SAMM50: variants seen among roughly 807,000 people sequenced by gnomAD.
SAMM50 encodes the protein SAMM50 sorting and assembly machinery component, also known as sorting and assembly machinery component 50 homolog.
Under a neutral mutation model 66.9 loss-of-function variants are expected in SAMM50, and 47 were observed. The ratio of observed to expected loss-of-function variants is 0.70; its 90% CI spans 0.56 to 0.90. The LOEUF (loss-of-function observed/expected upper bound fraction) is 0.90, where lower values mean the gene tolerates loss of function less well. Ranked by LOEUF, SAMM50 falls within the 40% of genes least tolerant of loss-of-function variation. The pLI, the probability that SAMM50 is intolerant of heterozygous loss-of-function variation, is 0.00. For missense variants in SAMM50, 535 were observed against 595.3 expected, an observed-to-expected ratio of 0.90 and a Z score of 1.05; for synonymous variants, 191 against 214.1, an observed-to-expected ratio of 0.89 and a Z score of 0.94.
chr22:43,980,468 G>T (rs921919522), intron 10 of SAMM50, among the ~76,000 whole-genome samples: 1 of 151,620 alleles, frequency 6.6e-6, no homozygotes, highest in Admixed American at 6.6e-5. Flanking sequence ...GCACAGCCCA[G>T]AGCACGGTGA....
intron 4 of SAMM50, among the ~76,000 whole-genome samples, chr22:43,970,935 G>A (rs574588953): frequency 7.9e-5 from 12 of 152,314 alleles, no homozygotes; most frequent in African/African-American, 2.9e-4. Flanking sequence ...GGGAAGCCAG[G>A]GCGGCTGGAT....
At chr22:43,966,958 C>T (rs1370130657) in intron 3 of SAMM50, among the ~76,000 whole-genome samples, 1 of 152,182 alleles carries the variant, frequency 6.6e-6, no homozygotes, top group African/African-American at 2.4e-5. Flanking sequence ...CAGCTGAATG[C>T]ACCTGTCCTG....
chr22:43,959,352 C>T (rs923403027), intron 1 of SAMM50, among the ~76,000 whole-genome samples: 7 of 152,028 alleles, frequency 4.6e-5, no homozygotes, highest in Non-Finnish European at 1.0e-4. Flanking sequence ...TCTAGTCTAT[C>T]TCACTTTAAA....
intron 10 of SAMM50, among the ~76,000 whole-genome samples, chr22:43,980,582 C>A (rs114197792): frequency 0.015 from 2,334 of 152,068 alleles, 67 homozygotes; most frequent in African/African-American, 0.054. Context: ...CTTGCTTCCA[C>A]TCTACATGAG....
intron 4 of SAMM50, among the ~76,000 whole-genome samples, chr22:43,969,889 G>A (rs1398921107): frequency 1.3e-5 from 2 of 152,164 alleles, no homozygotes; most frequent in Non-Finnish European, 2.9e-5. Flanking sequence ...GCGCGGTAGA[G>A]TTCCCACTTT....
chr22:43,987,701 G>C (rs2050301515), intron 12 of SAMM50: 1 of 152,120 alleles, frequency 6.6e-6, no homozygotes, highest in Non-Finnish European at 1.5e-5. Flanking sequence ...GTTTGTGCCA[G>C]GAAACTCATC....
At chr22:43,969,486 A>AG (rs1216934827) in intron 4 of SAMM50, among the ~76,000 whole-genome samples, 3 of 152,154 alleles carry the variant, frequency 2.0e-5, no homozygotes, top group Admixed American at 6.5e-5. Context: ...CTCCTCCTGA[A>AG]GGGGCTTCGG....
intron 5 of SAMM50, among the ~76,000 whole-genome samples, 165 bp from the exon 6 acceptor site, chr22:43,972,706 C>T (rs2050209791): frequency 6.6e-6 from 1 of 152,146 alleles, no homozygotes; most frequent in Non-Finnish European, 1.5e-5. Flanking sequence ...TCAGCAGCGG[C>T]ATGTTTTAAA....
intron 1 of SAMM50, among the ~76,000 whole-genome samples, chr22:43,956,307 T>C (rs912659593): frequency 6.6e-6 from 1 of 152,228 alleles, no homozygotes; most frequent in African/African-American, 2.4e-5. Flanking sequence ...TCAGATTTCC[T>C]GAGTCTCAGC....
rs746163894 is a variant in SAMM50, at chr22:43,976,157, G to A, written c.751G>A (p.Gly251Arg). The change falls in exon 8 of 15, where the codon GGA (glycine) becomes AGA (arginine). Residue 251 changes from glycine (G) to arginine (R), a missense_variant. Physicochemically the swap from Gly to Arg is moderately radical, Grantham distance 125. Coordinates refer to ENST00000350028, the MANE Select transcript of SAMM50 (RefSeq NM_015380.5). ...TASFAVRKESGHSLKSSLSHA... is the reference protein window; with the variant it reads ...TASFAVRKESRHSLKSSLSHA... The stretch of plus-strand genomic sequence containing the variant: ...GTCATTTGCTGTTCGAAAAGAAAGC[G>A]GACATTCACTGAAATCATCTCTTTC... 7 of 1,606,990 alleles carry A rather than the reference G, an allele frequency of 4.4e-6. No homozygotes were observed. Among genetic ancestry groups the A allele is most frequent in the East Asian group, 2.2e-5 (1 of 44,664 alleles).
intron 8 of SAMM50, 46 bp downstream of exon 8, chr22:43,976,229 C>T: frequency 1.9e-6 from 3 of 1,573,766 alleles, no homozygotes; most frequent in Non-Finnish European, 2.6e-6. Flanking sequence ...TTGATGGAAC[C>T]ATGCTATGCA....
chr22:43,974,463 C>CT (rs2050221098), intron 7 of SAMM50: 1 of 152,340 alleles, frequency 6.6e-6, no homozygotes, highest in African/African-American at 2.4e-5. Context: ...AGTTTAGGTG[C>CT]TTGAGGTGCG....
At chr22:43,975,611 A>G (rs1474419434) in intron 7 of SAMM50, 1 of 155,536 alleles carries the variant, frequency 6.4e-6, no homozygotes, top group Admixed American at 6.3e-5. Flanking sequence ...CGTCTCTGCC[A>G]CCTTCTCTCT....
At chr22:43,962,909 T>TG in intron 1 of SAMM50, among the ~76,000 whole-genome samples, 1 of 139,280 alleles carries the variant, frequency 7.2e-6, no homozygotes, top group African/African-American at 2.8e-5. Flanking sequence ...TTTTTTTTTT[T>TG]TTTTTAGAGA....
At chr22:43,962,657 C>T (rs1237211966) in intron 1 of SAMM50, among the ~76,000 whole-genome samples, 1 of 152,148 alleles carries the variant, frequency 6.6e-6, no homozygotes, top group African/African-American at 2.4e-5. Flanking sequence ...GTCAAGGTAG[C>T]TATCCTAACA....
intron 10 of SAMM50, among the ~76,000 whole-genome samples, chr22:43,978,279 A>G (rs2050243727): frequency 6.6e-6 from 1 of 151,504 alleles, no homozygotes; most frequent in Non-Finnish European, 1.5e-5. Context: ...CTGTCTACTA[A>G]AAAAAATTAG....
intron 3 of SAMM50, among the ~76,000 whole-genome samples, chr22:43,966,808 AT>A (rs59436064): frequency 8.0e-5 from 12 of 149,770 alleles, no homozygotes; most frequent in African/African-American, 9.8e-5. Context: ...GAGATCCAGC[AT>A]TTTTTTTTTT....
chr22:43,979,239 C>T (rs961249142), intron 10 of SAMM50, among the ~76,000 whole-genome samples: 6 of 152,222 alleles, frequency 3.9e-5, no homozygotes, highest in Non-Finnish European at 8.8e-5. Context: ...CCTGTGGCTG[C>T]AGCTGCTGCC....
intron 14 of SAMM50, among the ~76,000 whole-genome samples, chr22:43,995,067 A>C (rs1338129406): frequency 1.3e-5 from 2 of 152,178 alleles, no homozygotes; most frequent in Non-Finnish European, 2.9e-5. Flanking sequence ...ACTAAATGGT[A>C]CAAATGCAGC....
Sources: allele counts gnomAD v4.1 joint callset (sites outside exome capture counted in the v4.1 genomes callset), GRCh38; gene constraint gnomAD v4.1.1; transcripts MANE v1.5; gene names NCBI Gene and HGNC (gene_info 2026-07-23, HGNC 2026-07-21).